The following THSD7B variants were observed in gnomAD, a reference collection of about 807,000 sequenced individuals.
The protein encoded by THSD7B is thrombospondin type 1 domain containing 7B.
Under a neutral mutation model 213.6 loss-of-function variants are expected in THSD7B, and 138 were observed. The observed-to-expected ratio is 0.65, with a 90% CI of 0.56 to 0.74. The LOEUF is 0.74. Ranked by LOEUF, THSD7B falls within the 30% of genes least tolerant of loss-of-function variation. The pLI is 0.00. For missense variants in THSD7B, 1,931 were observed against 1,991.5 expected, an observed-to-expected ratio of 0.97 and a Z score of 0.58; for synonymous variants, 742 against 687.0, an observed-to-expected ratio of 1.08 and a Z score of -1.25.
intron 27 of THSD7B, among the ~76,000 whole-genome samples, chr2:137,668,975 A>G (rs1030905154): frequency 3.9e-5 from 6 of 152,146 alleles, no homozygotes; most frequent in Non-Finnish European, 1.5e-5. Flanking sequence ...ATATAAGTTG[A>G]TGCAGTTCAA....
intron 15 of THSD7B, among the ~76,000 whole-genome samples, chr2:137,549,899 A>G (rs1329961179): frequency 2.6e-5 from 4 of 152,196 alleles, no homozygotes; most frequent in African/African-American, 9.6e-5. Context: ...GAGAGTATCA[A>G]TCATAGCTAG....
At chr2:136,977,699 C>T (rs1362935341) in intron 2 of THSD7B, among the ~76,000 whole-genome samples, 1 of 151,794 alleles carries the variant, frequency 6.6e-6, no homozygotes, top group Non-Finnish European at 1.5e-5. Flanking sequence ...TTCTTGATTT[C>T]TGCCTTAATT....
chr2:137,200,162 C>G (rs1274589246), intron 7 of THSD7B, among the ~76,000 whole-genome samples: 1 of 152,148 alleles, frequency 6.6e-6, no homozygotes, highest in Non-Finnish European at 1.5e-5. Flanking sequence ...ATTTCTTTCT[C>G]TCTGAAGGCT....
chr2:137,565,204 C>T (rs895825109), intron 16 of THSD7B, among the ~76,000 whole-genome samples: 3 of 152,006 alleles, frequency 2.0e-5, no homozygotes, highest in African/African-American at 7.3e-5. Flanking sequence ...TTTAAGTGAC[C>T]CAGTCTGTGG....
At chr2:137,098,468 GA>G (rs1466970337) in intron 4 of THSD7B, among the ~76,000 whole-genome samples, 1 of 152,136 alleles carries the variant, frequency 6.6e-6, no homozygotes, top group South Asian at 2.1e-4. Context: ...AAGAGCTATG[GA>G]AAAAATAAAA....
chr2:137,347,827 T>A (rs1238559463), intron 12 of THSD7B, among the ~76,000 whole-genome samples: 1 of 151,614 alleles, frequency 6.6e-6, no homozygotes, highest in African/African-American at 2.4e-5. Flanking sequence ...AAATAGTTCT[T>A]AATGTTATAG....
At chr2:137,626,231 G>T (rs888048033) in intron 20 of THSD7B, among the ~76,000 whole-genome samples, 1 of 152,198 alleles carries the variant, frequency 6.6e-6, no homozygotes, top group Non-Finnish European at 1.5e-5. Flanking sequence ...GGGAGGCCGA[G>T]GCGGGCGGAT....
At chr2:136,942,777 A>C (rs973050169) in intron 2 of THSD7B, among the ~76,000 whole-genome samples, 3 of 152,234 alleles carry the variant, frequency 2.0e-5, no homozygotes, top group African/African-American at 7.2e-5. Context: ...TTCTAAATGT[A>C]CAATCATGTC....
intron 14 of THSD7B, among the ~76,000 whole-genome samples, chr2:137,412,088 C>G (rs1416292315): frequency 6.6e-6 from 1 of 152,146 alleles, no homozygotes; most frequent in African/African-American, 2.4e-5. Flanking sequence ...CCCTGACTCA[C>G]TTCATTCTCT....
At chr2:136,955,058 G>C (rs1330695748) in intron 2 of THSD7B, among the ~76,000 whole-genome samples, 1 of 152,088 alleles carries the variant, frequency 6.6e-6, no homozygotes, top group African/African-American at 2.4e-5. Context: ...TTATCAGAGG[G>C]ATCCCAGAAG....
intron 10 of THSD7B, among the ~76,000 whole-genome samples, chr2:137,252,095 G>T (rs1229297268): frequency 6.6e-6 from 1 of 151,818 alleles, no homozygotes; most frequent in South Asian, 2.1e-4. Context: ...GAGAAACCCT[G>T]TCTCTACTGA....
intron 1 of THSD7B, among the ~76,000 whole-genome samples, chr2:136,819,556 G>C (rs1374579231): frequency 6.6e-6 from 1 of 152,048 alleles, no homozygotes; most frequent in African/African-American, 2.4e-5. Flanking sequence ...CTGGGGAAAA[G>C]GCACTCACTC....
chr2:136,797,533 G>A (rs1478908876), intron 1 of THSD7B, among the ~76,000 whole-genome samples: 1 of 151,984 alleles, frequency 6.6e-6, no homozygotes, highest in Non-Finnish European at 1.5e-5. Flanking sequence ...GCTTGTTCAT[G>A]CGTTGCAGAT....
At chr2:137,343,105 T>C (rs1460638236) in intron 12 of THSD7B, among the ~76,000 whole-genome samples, 1 of 151,146 alleles carries the variant, frequency 6.6e-6, no homozygotes, top group Non-Finnish European at 1.5e-5. Flanking sequence ...TTTGCATGAG[T>C]TTGATTTTTT....
chr2:137,265,101 G>C (rs1682556592), intron 10 of THSD7B, among the ~76,000 whole-genome samples: 1 of 152,010 alleles, frequency 6.6e-6, no homozygotes, highest in Non-Finnish European at 1.5e-5. Flanking sequence ...TCTTGCGATA[G>C]TTTACTGAGA....
chr2:137,327,081 T>A (rs1470075115), intron 12 of THSD7B, among the ~76,000 whole-genome samples: 2 of 152,224 alleles, frequency 1.3e-5, no homozygotes, highest in Non-Finnish European at 2.9e-5. Flanking sequence ...CTTCCCTTGG[T>A]AGTGAGTAGT....
chr2:136,876,221 C>T (rs1683524618), intron 1 of THSD7B, among the ~76,000 whole-genome samples: 1 of 152,186 alleles, frequency 6.6e-6, no homozygotes. Context: ...TTATCAAAAG[C>T]TCTCTGACAT....
intron 1 of THSD7B, among the ~76,000 whole-genome samples, chr2:136,818,310 C>T (rs1446971655): frequency 1.5e-5 from 2 of 133,416 alleles, no homozygotes; most frequent in African/African-American, 5.6e-5. Flanking sequence ...AAAAACCAAA[C>T]ACCACATATT....
intron 4 of THSD7B, among the ~76,000 whole-genome samples, chr2:137,100,947 T>G (rs763610693): frequency 2.0e-5 from 3 of 152,176 alleles, no homozygotes; most frequent in Non-Finnish European, 2.9e-5. Flanking sequence ...AGGTGAGGAA[T>G]GATATCATAG....
Sources: gnomAD v4.1 joint callset for allele counts (sites outside exome capture counted in the v4.1 genomes callset) on GRCh38, gnomAD v4.1.1 for gene constraint, MANE v1.5 for transcripts, NCBI Gene and HGNC (gene_info 2026-07-23, HGNC 2026-07-21) for gene names.